Variants in LAMB4 observed in about 807,000 individuals in gnomAD.
LAMB4 encodes laminin subunit beta-4.
LAMB4 carries 196 observed loss-of-function variants against 199.2 expected under a neutral mutation model. The ratio of observed to expected loss-of-function variants is 0.98; its 90% CI spans 0.88 to 1.11. The LOEUF is 1.11. LAMB4 is among the 50% of genes least tolerant of loss of function. LAMB4 has a pLI of 0.00. For synonymous variants in LAMB4, 744 were observed against 770.6 expected, an observed-to-expected ratio of 0.97 and a Z score of 0.57; for missense variants, 2,080 against 2,171.2, an observed-to-expected ratio of 0.96 and a Z score of 0.83.
intron 1 of LAMB4, among the ~76,000 whole-genome samples, chr7:108,127,824 T>TG: frequency 6.6e-6 from 1 of 152,242 alleles, no homozygotes; most frequent in Non-Finnish European, 1.5e-5. Context: ...GCTGTCGTGT[T>TG]GGGGTGAGTA....
At chr7:108,037,314 G>T in intron 30 of LAMB4, 74 bp downstream of exon 30, 1 of 1,179,842 alleles carries the variant, frequency 8.5e-7, no homozygotes, top group Non-Finnish European at 1.2e-6. Flanking sequence ...TAGATCCCTA[G>T]GCAAACATTT....
chr7:108,112,345 A>G (rs1262808416), intron 3 of LAMB4, among the ~76,000 whole-genome samples: 1 of 150,552 alleles, frequency 6.6e-6, no homozygotes, highest in Non-Finnish European at 1.5e-5. Flanking sequence ...ACAGAGTCTC[A>G]TGCTGTCACT....
downstream of LAMB4, among the ~76,000 whole-genome samples, chr7:108,019,597 A>G (rs997066609): frequency 6.6e-6 from 1 of 152,066 alleles, no homozygotes; most frequent in Non-Finnish European, 1.5e-5. Context: ...AGTTGCACAC[A>G]ACATTGACAC....
chr7:108,052,830 T>A (rs531062445), intron 25 of LAMB4, among the ~76,000 whole-genome samples: 1 of 152,316 alleles, frequency 6.6e-6, no homozygotes, highest in East Asian at 1.9e-4. Flanking sequence ...GGGGTACACC[T>A]TTGTTGTGCT....
At chr7:108,125,997 G>A (rs908717829) in intron 1 of LAMB4, among the ~76,000 whole-genome samples, 3 of 152,196 alleles carry the variant, frequency 2.0e-5, no homozygotes, top group African/African-American at 7.2e-5. Flanking sequence ...AGCAGCAGGA[G>A]GAGTCAGAAA....
intron 5 of LAMB4, among the ~76,000 whole-genome samples, chr7:108,108,916 A>G (rs538050682): frequency 1.3e-5 from 2 of 152,120 alleles, no homozygotes; most frequent in African/African-American, 4.8e-5. Context: ...TATGGTTCCT[A>G]TCACCTCAGT....
chr7:108,045,644 G>A (rs1418145836), intron 28 of LAMB4, among the ~76,000 whole-genome samples: 1 of 152,142 alleles, frequency 6.6e-6, no homozygotes, highest in Non-Finnish European at 1.5e-5. Context: ...TTGAGAAGGA[G>A]CAATATAATA....
At chr7:108,096,959 A>G (rs932909390) in intron 11 of LAMB4, among the ~76,000 whole-genome samples, 1 of 149,482 alleles carries the variant, frequency 6.7e-6, no homozygotes, top group Non-Finnish European at 1.5e-5. Context: ...AAAAAAAAAA[A>G]AAAAAAAAAA....
At position 108,095,352 on chromosome 7, in the gene LAMB4, T is replaced by C. The variant is rs1313361547; in HGVS notation, c.1361-15A>G. 1.9e-6 allele frequency: 3 copies of C among 1,548,556 alleles called. No homozygotes were observed. Among genetic ancestry groups the C allele is most frequent in the Non-Finnish European group, 2.7e-6 (3 of 1,120,914 alleles). On this transcript the variant is annotated splice_polypyrimidine_tract_variant and intron_variant, in intron 11 of 33. Coordinates refer to ENST00000388781, the MANE Select transcript of LAMB4 (RefSeq NM_007356.3). ...ACAGTCGCAGGCTGAAAGCACAGCA[T>C]ACACAATTATTCTCATTCTTAATTC...
At chr7:108,058,947 G>C (rs1194492964) in intron 23 of LAMB4, among the ~76,000 whole-genome samples, 1 of 152,018 alleles carries the variant, frequency 6.6e-6, no homozygotes, top group Non-Finnish European at 1.5e-5. Flanking sequence ...ACCTGGCCTG[G>C]ATCTGCCACG....
chr7:108,092,363 A>G lies in LAMB4; in HGVS notation c.1524T>C (p.Cys508=), dbSNP rs1202716321. Residue 508 remains cysteine, a synonymous_variant, in exon 13 of 34, where the codon TGT becomes TGC. Transcript: ENST00000388781. ...CGTTAGAATAAGCACCTCCAATATC[A>G]CAGTCACAGGGAGAACACCCATGGA... ...NHLHGCSPCD[C]DIGGAYSNVC... is the part of the protein sequence containing the mutation. 4 of 1,613,760 alleles carry G rather than the reference A, an allele frequency of 2.5e-6. No individual in the cohort carries two copies. The highest frequency in any genetic ancestry group is 3.4e-6 in the Non-Finnish European group (4 of 1,179,800).
chr7:108,065,497 G>T (rs1008837602), intron 21 of LAMB4, among the ~76,000 whole-genome samples: 1 of 151,916 alleles, frequency 6.6e-6, no homozygotes, highest in Admixed American at 6.6e-5. Context: ...AAATTAACTT[G>T]ATTTGGTCTC....
intron 14 of LAMB4, among the ~76,000 whole-genome samples, chr7:108,083,774 G>C (rs549532942): frequency 6.6e-6 from 1 of 152,326 alleles, no homozygotes; most frequent in South Asian, 2.1e-4. Flanking sequence ...AGTAGGATTA[G>C]CCATGCCCAC....
the LAMB4 span, among the ~76,000 whole-genome samples, chr7:108,011,876 C>CATATATAT: frequency 2.0e-5 from 3 of 149,938 alleles, no homozygotes; most frequent in African/African-American, 7.4e-5. Context: ...AAAATATAAA[C>CATATATAT]ATATATATAT....
chr7:108,035,175 C>T (rs748445821), intron 30 of LAMB4, among the ~76,000 whole-genome samples: 15 of 152,120 alleles, frequency 9.9e-5, no homozygotes, highest in Non-Finnish European at 1.9e-4. Flanking sequence ...TCCCAGGGTA[C>T]CAGTGTCCAT....
chr7:108,031,369 GAA>G (rs371230419), intron 31 of LAMB4, among the ~76,000 whole-genome samples: 30 of 81,146 alleles, frequency 3.7e-4, no homozygotes, highest in East Asian at 9.8e-4. Flanking sequence ...AAAAGGAAAA[GAA>G]AAAAAAAAAA....
At chr7:108,065,665 A>G (rs2036309851) in intron 21 of LAMB4, 97 bp downstream of exon 21, 1 of 984,006 alleles carries the variant, frequency 1.0e-6, no homozygotes, top group African/African-American at 1.6e-5. Flanking sequence ...TGCACCACAC[A>G]TTTGTCCAAG....
intron 11 of LAMB4, among the ~76,000 whole-genome samples, chr7:108,097,446 A>G (rs1408280085): frequency 6.6e-6 from 1 of 152,138 alleles, no homozygotes; most frequent in African/African-American, 2.4e-5. Flanking sequence ...GAACATATGG[A>G]CCAATATTAG....
chr7:108,124,764 C>G (rs1033716485), intron 1 of LAMB4, among the ~76,000 whole-genome samples: 1 of 152,140 alleles, frequency 6.6e-6, no homozygotes, highest in Non-Finnish European at 1.5e-5. Context: ...ATTCTACCTT[C>G]GAGGCTTTTC....
Sources: gnomAD v4.1 joint callset for allele counts (sites outside exome capture counted in the v4.1 genomes callset) on GRCh38, gnomAD v4.1.1 for gene constraint, MANE v1.5 for transcripts, NCBI Gene and HGNC (gene_info 2026-07-23, HGNC 2026-07-21) for gene names.